The following ST6GALNAC5 variants were observed in gnomAD, a reference collection of about 807,000 sequenced individuals.
ST6GALNAC5 encodes the protein ST6 N-acetylgalactosaminide alpha-2,6-sialyltransferase 5.
A neutral mutation model predicts 33.6 loss-of-function variants in ST6GALNAC5; 27 were observed. That is an observed-to-expected ratio of 0.80 (90% CI 0.59 to 1.11). The LOEUF (loss-of-function observed/expected upper bound fraction) is 1.11, where lower values mean the gene tolerates loss of function less well. Ranked by LOEUF, ST6GALNAC5 falls within the 50% of genes least tolerant of loss-of-function variation. ST6GALNAC5 has a pLI of 0.00. For missense variants in ST6GALNAC5, 428 were observed against 454.0 expected, an observed-to-expected ratio of 0.94 and a Z score of 0.52; for synonymous variants, 194 against 171.2, an observed-to-expected ratio of 1.13 and a Z score of -1.04.
intron 2 of ST6GALNAC5, among the ~76,000 whole-genome samples, chr1:76,986,442 T>G (rs1364734828): frequency 1.3e-5 from 2 of 152,112 alleles, no homozygotes; most frequent in African/African-American, 2.4e-5. Flanking sequence ...ATTAGAGAAA[T>G]GCAAATCAAA....
intron 2 of ST6GALNAC5, among the ~76,000 whole-genome samples, chr1:76,881,961 T>A (rs945149457): frequency 6.6e-6 from 1 of 152,222 alleles, no homozygotes; most frequent in Admixed American, 6.5e-5. Context: ...TGTCAGTCTC[T>A]GATGTGAACA....
chr1:77,027,218 A>C (rs1288491107), intron 2 of ST6GALNAC5, among the ~76,000 whole-genome samples: 3 of 152,174 alleles, frequency 2.0e-5, no homozygotes, highest in African/African-American at 7.2e-5. Flanking sequence ...ACAAAAACAC[A>C]TGTTGCCCTT....
chr1:76,960,283 C>A (rs1294653273), intron 2 of ST6GALNAC5, among the ~76,000 whole-genome samples: 1 of 151,948 alleles, frequency 6.6e-6, no homozygotes, highest in Non-Finnish European at 1.5e-5. Context: ...CGTGATGCCC[C>A]CCGAGCCATA....
chr1:76,975,308 A>AT (rs1316118552), intron 2 of ST6GALNAC5, among the ~76,000 whole-genome samples: 3 of 152,138 alleles, frequency 2.0e-5, no homozygotes, highest in African/African-American at 4.8e-5. Flanking sequence ...CATTCAAATG[A>AT]TTTTTTGTAT....
chr1:76,983,700 G>A (rs979542264), intron 2 of ST6GALNAC5, among the ~76,000 whole-genome samples: 2 of 152,176 alleles, frequency 1.3e-5, no homozygotes, highest in Admixed American at 6.6e-5. Flanking sequence ...CAAATCAACA[G>A]GATATACATT....
chr1:77,035,690 A>C lies in ST6GALNAC5; in HGVS notation c.262-8514A>C, dbSNP rs115544741. On this transcript the variant is annotated intron_variant, in intron 2 of 4. Transcript: ENST00000477717. ...CATGAAAAGATGTTCATCATTAGTC[A>C]CTTGGAAAATGCAAATCAAAAGCAC... Among the ~76,000 whole-genome samples the C allele has an allele frequency of 8.2e-3, 1,245 of 152,300 alleles. 19 individuals are homozygous for C. Among genetic ancestry groups the C allele is most frequent in the African/African-American group, 0.029 (1,196 of 41,564 alleles).
chr1:76,895,978 G>C (rs948972849), intron 2 of ST6GALNAC5, among the ~76,000 whole-genome samples: 9 of 152,298 alleles, frequency 5.9e-5, no homozygotes, highest in African/African-American at 1.9e-4. Flanking sequence ...GGCTGAGCTT[G>C]GTGTGGTGTG....
intron 4 of ST6GALNAC5, among the ~76,000 whole-genome samples, chr1:77,053,282 A>G (rs779755452): frequency 3.3e-5 from 5 of 152,194 alleles, no homozygotes; most frequent in Non-Finnish European, 7.3e-5. Context: ...CGCCAGGGCC[A>G]AAAATGGTTG....
At chr1:76,917,632 T>G (rs1197384907) in intron 2 of ST6GALNAC5, among the ~76,000 whole-genome samples, 1 of 151,356 alleles carries the variant, frequency 6.6e-6, no homozygotes, top group Non-Finnish European at 1.5e-5. Flanking sequence ...ACAATAGGCA[T>G]TATAAATAAA....
At chr1:76,951,623 A>G (rs959655304) in intron 2 of ST6GALNAC5, among the ~76,000 whole-genome samples, 7 of 152,136 alleles carry the variant, frequency 4.6e-5, no homozygotes, top group African/African-American at 1.7e-4. Context: ...CACAAAGTAT[A>G]ATAGATAATA....
chr1:77,048,080 C>T (rs1652075842), intron 3 of ST6GALNAC5, among the ~76,000 whole-genome samples: 1 of 152,200 alleles, frequency 6.6e-6, no homozygotes, highest in South Asian at 2.1e-4. Flanking sequence ...TTAAAGAACT[C>T]TTCACTTTAG....
chr1:76,892,332 C>T (rs905672255), intron 2 of ST6GALNAC5, among the ~76,000 whole-genome samples: 1 of 152,180 alleles, frequency 6.6e-6, no homozygotes, highest in African/African-American at 2.4e-5. Flanking sequence ...AGCAGCAACA[C>T]CTTAAGATAG....
intron 2 of ST6GALNAC5, among the ~76,000 whole-genome samples, chr1:76,893,667 T>G (rs1654060416): frequency 6.6e-6 from 1 of 152,136 alleles, no homozygotes; most frequent in African/African-American, 2.4e-5. Context: ...ATTTACTTAT[T>G]TATTTATTTT....
chr1:77,059,493 G>A (rs1323073261), intron 4 of ST6GALNAC5, among the ~76,000 whole-genome samples: 1 of 152,208 alleles, frequency 6.6e-6, no homozygotes, highest in East Asian at 1.9e-4. Context: ...TACCACAGAA[G>A]CCATAGGCCC....
At position 77,044,596 on chromosome 1, in the gene ST6GALNAC5, G is replaced by A. The variant is rs1269787615; in HGVS notation, c.654G>A (p.Gln218=). 2 of 1,559,544 alleles carry A rather than the reference G, an allele frequency of 1.3e-6. No homozygotes were observed. Among genetic ancestry groups the A allele is most frequent in the African/African-American group, 2.7e-5 (2 of 73,608 alleles). Residue 218 remains glutamine (Q), a synonymous_variant, in exon 3 of 5, where the codon CAG becomes CAA. Coordinates refer to ENST00000477717, the MANE Select transcript of ST6GALNAC5 (RefSeq NM_030965.3). ...TGCAGTTTGATGAGCTCTTCAAGCAGGAGACTGGCAAAGACAGGTACAAAG... is the reference window on the plus strand; with the variant it reads ...TGCAGTTTGATGAGCTCTTCAAGCAAGAGACTGGCAAAGACAGGTACAAAG... ...KMLQFDELFK[Q]ETGKDRKISN... is the part of the protein sequence containing the mutation.
intron 2 of ST6GALNAC5, among the ~76,000 whole-genome samples, chr1:76,963,287 T>C (rs1429115034): frequency 6.6e-6 from 1 of 152,236 alleles, no homozygotes; most frequent in East Asian, 1.9e-4. Flanking sequence ...CAGCCCACGC[T>C]TTATTGATAA....
chr1:77,058,713 G>A (rs915334806), intron 4 of ST6GALNAC5, among the ~76,000 whole-genome samples: 3 of 152,234 alleles, frequency 2.0e-5, no homozygotes, highest in African/African-American at 7.2e-5. Flanking sequence ...TTATAGGGGT[G>A]TTGTGAGGAC....
intron 2 of ST6GALNAC5, among the ~76,000 whole-genome samples, chr1:76,982,260 C>T (rs1057500545): frequency 2.0e-5 from 3 of 152,082 alleles, no homozygotes; most frequent in Non-Finnish European, 4.4e-5. Flanking sequence ...AAGCTAAAAA[C>T]CCTGAAAAAA....
intron 2 of ST6GALNAC5, among the ~76,000 whole-genome samples, chr1:76,964,716 G>A (rs773952485): frequency 1.4e-4 from 22 of 151,912 alleles, no homozygotes; most frequent in Admixed American, 2.6e-4. Flanking sequence ...CCATTAACTC[G>A]TCATTTACAT....
Sources: gnomAD v4.1 joint callset for allele counts (sites outside exome capture counted in the v4.1 genomes callset) on GRCh38, gnomAD v4.1.1 for gene constraint, MANE v1.5 for transcripts, NCBI Gene and HGNC (gene_info 2026-07-23, HGNC 2026-07-21) for gene names.